CEP85L: variants seen among roughly 807,000 people sequenced by gnomAD.
The protein encoded by CEP85L is centrosomal protein of 85 kDa-like.
CEP85L carries 60 observed loss-of-function variants against 100.3 expected under a neutral mutation model. The observed-to-expected ratio is 0.60, with a 90% CI of 0.49 to 0.74. The LOEUF (loss-of-function observed/expected upper bound fraction) is 0.74, where lower values mean the gene tolerates loss of function less well. CEP85L is among the 30% of genes least tolerant of loss of function. CEP85L has a pLI of 0.00. For synonymous variants in CEP85L, 319 were observed against 322.7 expected (o/e 0.99, Z 0.12); for missense variants, 973 against 936.2 (o/e 1.04, Z -0.51).
intron 1 of CEP85L, among the ~76,000 whole-genome samples, chr6:118,693,815 A>C (rs1169264799): frequency 1.3e-5 from 2 of 152,202 alleles, no homozygotes; most frequent in African/African-American, 4.8e-5. Flanking sequence ...GAAACTAGAC[A>C]TTGCTGCTAC....
chr6:118,629,568 T>C (rs548040762), intron 2 of CEP85L, among the ~76,000 whole-genome samples: 43 of 152,368 alleles, frequency 2.8e-4, no homozygotes, highest in African/African-American at 1.0e-3. Flanking sequence ...CCCTCATGTA[T>C]TGCTGGAATG....
chr6:118,708,774 T>TCCTC (rs1368753519), intron 1 of CEP85L, among the ~76,000 whole-genome samples: 6 of 152,102 alleles, frequency 3.9e-5, no homozygotes, highest in Non-Finnish European at 5.9e-5. Flanking sequence ...CTTCCTTCCT[T>TCCTC]CCTCCCTCCC....
In CEP85L at chr6:118,469,374, A is replaced by C. The variant is rs1772768863; in HGVS notation, c.2023-71T>G. On this transcript the variant is annotated intron_variant, in intron 11 of 12. Coordinates refer to ENST00000368491, the MANE Select transcript of CEP85L (RefSeq NM_001042475.3). ...AAGGTACTCAAAGCCATACAGGTTA[A>C]CATTCTCCCCCAAGTCTATAAACAA... The C allele has an allele frequency of 9.3e-6, 11 of 1,184,360 alleles. No individual in the cohort carries two copies. In the South Asian group the frequency reaches 1.3e-4, roughly 14 times the overall value. The allele number at this position is 1,184,360 out of a possible 1,614,324, so 73.4% of individuals were successfully genotyped here.
intron 2 of CEP85L, among the ~76,000 whole-genome samples, chr6:118,609,363 C>G (rs1406592328): frequency 6.6e-6 from 1 of 152,030 alleles, no homozygotes. Flanking sequence ...TATGAATTTG[C>G]TTTTAAAACA....
intron 3 of CEP85L, among the ~76,000 whole-genome samples, chr6:118,558,561 C>T (rs919126888): frequency 1.3e-5 from 2 of 150,464 alleles, no homozygotes; most frequent in Admixed American, 6.6e-5. Flanking sequence ...ACAAATGAGA[C>T]GGTCATGGTG....
chr6:118,680,290 T>A (rs2115445796), intron 1 of CEP85L, among the ~76,000 whole-genome samples: 2 of 128,656 alleles, frequency 1.6e-5, no homozygotes, highest in African/African-American at 5.7e-5. Flanking sequence ...AAAAAAAGAA[T>A]CTTTCCTTGG....
chr6:118,664,452 G>A (rs1226844864), intron 1 of CEP85L: 1 of 152,538 alleles, frequency 6.6e-6, no homozygotes, highest in Non-Finnish European at 1.5e-5. Context: ...GTCAGGCTGG[G>A]GTCTTCAGGA....
At chr6:118,690,437 C>G (rs1478668949) in intron 1 of CEP85L, among the ~76,000 whole-genome samples, 1 of 152,124 alleles carries the variant, frequency 6.6e-6, no homozygotes, top group African/African-American at 2.4e-5. Flanking sequence ...CCTGGCCGGA[C>G]TCTGAATCCC....
chr6:118,496,058 C>T lies in CEP85L; in HGVS notation c.1258-4193G>A, dbSNP rs78102827. Among the ~76,000 whole-genome samples, 651 of 152,304 alleles carry T rather than the reference C, an allele frequency of 4.3e-3. 4 individuals are homozygous for T. Among genetic ancestry groups the T allele is most frequent in the African/African-American group, 0.015 (621 of 41,560 alleles). On this transcript the variant is annotated intron_variant, in intron 5 of 12. Coordinates refer to ENST00000368491, the MANE Select transcript of CEP85L (RefSeq NM_001042475.3). ...GAATTGGTCATTTTGTGTCAGTATA[C>T]GCACAGACAGAGAGGCTTCCATAAC... is the stretch of plus-strand genomic sequence containing the variant.
intron 1 of CEP85L, among the ~76,000 whole-genome samples, chr6:118,673,451 T>C (rs955727886): frequency 1.3e-5 from 2 of 152,160 alleles, no homozygotes; most frequent in African/African-American, 4.8e-5. Flanking sequence ...CCAGCAACTG[T>C]AGAAAGTCCA....
intron 1 of CEP85L, among the ~76,000 whole-genome samples, chr6:118,693,142 A>T (rs1777102041): frequency 6.6e-6 from 1 of 152,344 alleles, no homozygotes; most frequent in Non-Finnish European, 1.5e-5. Context: ...GATAAATTTT[A>T]AAAATCTCTG....
chr6:118,592,346 T>C (rs1781237564), intron 2 of CEP85L, among the ~76,000 whole-genome samples: 1 of 151,282 alleles, frequency 6.6e-6, no homozygotes, highest in South Asian at 2.1e-4. Context: ...TTTTTTTTTT[T>C]TTGATCAGTA....
chr6:118,485,835 A>G (rs1477296579), intron 6 of CEP85L, among the ~76,000 whole-genome samples: 2 of 152,242 alleles, frequency 1.3e-5, no homozygotes, highest in Admixed American at 6.5e-5. Context: ...GACCCTGTAC[A>G]TTACAGAGGT....
At chr6:118,614,508 T>C (rs1183937200) in intron 2 of CEP85L, among the ~76,000 whole-genome samples, 2 of 152,328 alleles carry the variant, frequency 1.3e-5, no homozygotes, top group South Asian at 2.1e-4. Flanking sequence ...TTAGAACTAA[T>C]GCGTGAGTTC....
intron 1 of CEP85L, among the ~76,000 whole-genome samples, chr6:118,658,791 A>G (rs1775878786): frequency 6.6e-6 from 1 of 152,140 alleles, no homozygotes. Flanking sequence ...CTTATATCTC[A>G]AAAGTTTAAC....
intron 1 of CEP85L, among the ~76,000 whole-genome samples, chr6:118,702,786 G>A (rs1482093789): frequency 1.3e-5 from 2 of 152,138 alleles, no homozygotes; most frequent in African/African-American, 4.8e-5. Context: ...CACGAAGTCA[G>A]GAGATTTAGA....
chr6:118,518,200 T>C (rs1159502205), intron 4 of CEP85L, among the ~76,000 whole-genome samples: 1 of 152,160 alleles, frequency 6.6e-6, no homozygotes, highest in Non-Finnish European at 1.5e-5. Context: ...TCTTTTTTTG[T>C]TGTGTCTCTG....
At chr6:118,510,991 ATTC>A (rs1198986537) in intron 5 of CEP85L, among the ~76,000 whole-genome samples, 1 of 152,098 alleles carries the variant, frequency 6.6e-6, no homozygotes, top group Non-Finnish European at 1.5e-5. Context: ...TAATGTACAT[ATTC>A]TTATATTTTT....
intron 1 of CEP85L, among the ~76,000 whole-genome samples, chr6:118,679,692 C>A (rs1242445758): frequency 6.6e-6 from 1 of 152,134 alleles, no homozygotes; most frequent in Non-Finnish European, 1.5e-5. Context: ...ACAAAGGGCC[C>A]ACTTGAGGGG....
Sources: gnomAD v4.1 joint callset for allele counts (sites outside exome capture counted in the v4.1 genomes callset) on GRCh38, gnomAD v4.1.1 for gene constraint, MANE v1.5 for transcripts, NCBI Gene and HGNC (gene_info 2026-07-23, HGNC 2026-07-21) for gene names.